ENTHD1: variants seen among roughly 807,000 people sequenced by gnomAD.
ENTHD1 encodes ENTH domain containing 1, also known as ENTH domain-containing protein 1.
In ENTHD1, 23 loss-of-function variants were observed where a neutral mutation model predicts 39.1. That is an observed-to-expected ratio of 0.59 (90% CI 0.42 to 0.83). ENTHD1 has a LOEUF of 0.83. Among genes scored for constraint, ENTHD1 ranks in the 40% least tolerant of loss-of-function variants. The probability of loss-of-function intolerance (pLI) is 0.00; values close to 1 mark genes in which losing one functional copy is unlikely to be tolerated. For synonymous variants in ENTHD1, 230 were observed against 258.2 expected, an observed-to-expected ratio of 0.89 and a Z score of 1.05; for missense variants, 624 against 705.4, an observed-to-expected ratio of 0.88 and a Z score of 1.31.
chr22:39,868,300 G>C (rs958462352), intron 2 of ENTHD1, among the ~76,000 whole-genome samples: 11 of 150,648 alleles, frequency 7.3e-5, no homozygotes, highest in Admixed American at 2.0e-4. Flanking sequence ...CTGTACAGGA[G>C]GGAGTCTAGA....
In ENTHD1 at chr22:39,765,213, G is replaced by C; in HGVS notation, c.1219+10C>G. 6.6e-7 allele frequency: 1 copy of C among 1,509,088 alleles called. No individual in the cohort carries two copies. Among genetic ancestry groups the C allele is most frequent in the South Asian group, 1.2e-5 (1 of 83,844 alleles). The allele number at this position is 1,509,088 out of a possible 1,614,324, so 93.5% of individuals were successfully genotyped here. A position where few individuals can be genotyped will look rare whatever the true frequency, so the allele number is the denominator to read the frequency against. On this transcript the variant is annotated intron_variant, in intron 6 of 6. Transcript: ENST00000325157. Reference sequence around the variant, plus strand: ...GTGTGTGTGTGTGTGTGTGTGTTTGGCAGACTCACCCCGTGTGGTTGTCTT... The same window carrying C: ...GTGTGTGTGTGTGTGTGTGTGTTTGCCAGACTCACCCCGTGTGGTTGTCTT...
At position 39,743,528 on chromosome 22, in the gene ENTHD1, A is replaced by T; in HGVS notation, c.*151T>A. The T allele has an allele frequency of 1.2e-6, 1 of 848,924 alleles. No individual in the cohort carries two copies. The highest frequency in any genetic ancestry group is 1.7e-6 in the Non-Finnish European group (1 of 586,404). 52.6% of individuals were successfully genotyped at this position (848,924 alleles called of 1,614,324 possible). A position where few individuals can be genotyped will look rare whatever the true frequency, so the allele number is the denominator to read the frequency against. On this transcript the variant is annotated 3_prime_UTR_variant, in exon 7 of 7. Transcript: ENST00000325157. ...AAAAATAAACCACCCAAATGAAAGTATTAGTTTGAAAGATACTTGCTAATA... is the reference window on the plus strand; with the variant it reads ...AAAAATAAACCACCCAAATGAAAGTTTTAGTTTGAAAGATACTTGCTAATA...
At chr22:39,889,900 C>G (rs936823002) in intron 1 of ENTHD1, among the ~76,000 whole-genome samples, 1 of 151,834 alleles carries the variant, frequency 6.6e-6, no homozygotes, top group African/African-American at 2.4e-5. Context: ...AGTTCAACAC[C>G]AGCCTGGACA....
At chr22:39,820,963 A>C (rs767366391) in intron 5 of ENTHD1, 30 bp downstream of exon 5, 4 of 1,611,616 alleles carry the variant, frequency 2.5e-6, no homozygotes, top group Non-Finnish European at 2.5e-6. Flanking sequence ...AAATCTGATA[A>C]GTAAACTTCC....
chr22:39,837,020 C>T (rs1488149389), intron 3 of ENTHD1, among the ~76,000 whole-genome samples: 1 of 152,116 alleles, frequency 6.6e-6, no homozygotes, highest in African/African-American at 2.4e-5. Context: ...ACTAATACAA[C>T]CAGTGAAAAT....
In ENTHD1 at chr22:39,887,384, C is replaced by T. The variant is rs773578811; in HGVS notation, c.349+16G>A. ...CACCACCACACCCAGCTTATATAAACTTCTTTAACCATTACCTTGGTCTTT... is the reference window on the plus strand; with the variant it reads ...CACCACCACACCCAGCTTATATAAATTTCTTTAACCATTACCTTGGTCTTT... On this transcript the variant is annotated intron_variant, in intron 2 of 6. Coordinates refer to ENST00000325157, the MANE Select transcript of ENTHD1 (RefSeq NM_152512.4). The T allele has an allele frequency of 8.9e-6, 14 of 1,578,188 alleles. No homozygotes were observed. The Admixed American group carries it at 2.1e-4, about 24-fold the overall frequency.
chr22:39,767,706 C>T (rs900559954), intron 5 of ENTHD1, among the ~76,000 whole-genome samples: 1 of 152,144 alleles, frequency 6.6e-6, no homozygotes, highest in South Asian at 2.1e-4. Context: ...CAATATTAAA[C>T]TAGGACATTT....
chr22:39,776,603 CTTT>C (rs2065367176), intron 5 of ENTHD1, among the ~76,000 whole-genome samples: 1 of 152,154 alleles, frequency 6.6e-6, no homozygotes, highest in African/African-American at 2.4e-5. Context: ...TTTAGGTATC[CTTT>C]AGTTTGTTCC....
At chr22:39,886,757 T>C (rs555845095) in intron 2 of ENTHD1, among the ~76,000 whole-genome samples, 1 of 152,296 alleles carries the variant, frequency 6.6e-6, no homozygotes, top group East Asian at 1.9e-4. Context: ...ATCCTTTCCC[T>C]ACTGCACCTC....
chr22:39,798,268 T>A (rs2065567102), intron 5 of ENTHD1, among the ~76,000 whole-genome samples: 1 of 152,092 alleles, frequency 6.6e-6, no homozygotes, highest in Non-Finnish European at 1.5e-5. Context: ...ATTCATTGGA[T>A]TTTTCACTTC....
intron 4 of ENTHD1, among the ~76,000 whole-genome samples, chr22:39,829,202 A>G (rs1291179875): frequency 2.0e-5 from 3 of 152,210 alleles, no homozygotes; most frequent in African/African-American, 7.2e-5. Context: ...TCAAGAGGAT[A>G]ATGGGATATT....
At chr22:39,860,197 C>A (rs2066128330) in intron 3 of ENTHD1, among the ~76,000 whole-genome samples, 1 of 151,960 alleles carries the variant, frequency 6.6e-6, no homozygotes, top group African/African-American at 2.4e-5. Context: ...TGCTGAATAT[C>A]CAAATTTTAA....
In ENTHD1 at chr22:39,796,685, G is replaced by A. The variant is rs201663708; in HGVS notation, c.832+24308C>T. On this transcript the variant is annotated intron_variant, in intron 5 of 6. Coordinates refer to ENST00000325157, the MANE Select transcript of ENTHD1 (RefSeq NM_152512.4). ...TATTAAAGTTCCATGTATTTGTCTA[G>A]TTTCCAAAGTTTGTTACTGATTTTT... 2.0e-5 allele frequency among the ~76,000 whole-genome samples: 3 copies of A among 152,174 alleles called. No homozygotes were observed. In the East Asian group the frequency reaches 5.8e-4, roughly 29 times the overall value.
intron 2 of ENTHD1, among the ~76,000 whole-genome samples, chr22:39,862,960 G>A (rs570539852): frequency 3.8e-4 from 58 of 152,160 alleles, no homozygotes; most frequent in South Asian, 8.3e-4. Context: ...TTCCACCATC[G>A]CCTTTCGGAC....
At position 39,875,573 on chromosome 22, in the gene ENTHD1, G is replaced by A. The variant is rs1027245875; in HGVS notation, c.349+11827C>T. On this transcript the variant is annotated intron_variant, in intron 2 of 6. Coordinates refer to ENST00000325157, the MANE Select transcript of ENTHD1 (RefSeq NM_152512.4). Reference sequence around the variant, plus strand: ...TGACTTCTCTGAATACCGCCGCCTTGAAGTTTTAGATAGTACGAAGTCTTC... The same window carrying A: ...TGACTTCTCTGAATACCGCCGCCTTAAAGTTTTAGATAGTACGAAGTCTTC... 1.1e-5 allele frequency: 17 copies of A among 1,611,002 alleles called. 1 individual carries two copies. In the Admixed American group the frequency reaches 2.5e-4, roughly 24 times the overall value.
At chr22:39,744,951 G>T (rs2065092111) in intron 6 of ENTHD1, among the ~76,000 whole-genome samples, 1 of 151,670 alleles carries the variant, frequency 6.6e-6, no homozygotes, top group African/African-American at 2.4e-5. Flanking sequence ...TTCCTTTCTG[G>T]CAAAATCATA....
rs1407812286 is a variant in ENTHD1, at chr22:39,887,436, C to A, written c.313G>T (p.Asp105Tyr). ...EGFCNLQTLK[D>Y]FQHIDEAGKD... Reference sequence around the variant, plus strand: ...CCAGCTTCATCTATGTGCTGAAAATCTTTTAGTGTTTGAAGGTTACAGAAC... The same window carrying A: ...CCAGCTTCATCTATGTGCTGAAAATATTTTAGTGTTTGAAGGTTACAGAAC... The change falls in exon 2 of 7, where the codon GAT becomes TAT. Residue 105 changes from aspartate to tyrosine, a missense_variant. By Grantham distance (160) the Asp-to-Tyr change is radical. Transcript: ENST00000325157. 6.2e-7 allele frequency: 1 copy of A among 1,612,158 alleles called. No individual in the cohort carries two copies. Among genetic ancestry groups the A allele is most frequent in the East Asian group, 2.2e-5 (1 of 44,882 alleles).
intron 5 of ENTHD1, among the ~76,000 whole-genome samples, chr22:39,811,995 AAAAC>A (rs892420631): frequency 1.5e-4 from 13 of 84,580 alleles, no homozygotes; most frequent in Non-Finnish European, 2.0e-4. Context: ...AACAAAAACA[AAAAC>A]AAACAAACAA....
At chr22:39,765,811 G>T (rs2146558498) in intron 5 of ENTHD1, among the ~76,000 whole-genome samples, 1 of 151,742 alleles carries the variant, frequency 6.6e-6, no homozygotes, top group Non-Finnish European at 1.5e-5. Flanking sequence ...TAGTCATTTT[G>T]GTAGCTGCCT....
Sources: gnomAD v4.1 joint callset for allele counts (sites outside exome capture counted in the v4.1 genomes callset) on GRCh38, gnomAD v4.1.1 for gene constraint, MANE v1.5 for transcripts, NCBI Gene and HGNC (gene_info 2026-07-23, HGNC 2026-07-21) for gene names.